Variants in ADAMTS2 observed in about 807,000 individuals in gnomAD.
ADAMTS2 encodes A disintegrin and metalloproteinase with thrombospondin motifs 2.
Under a neutral mutation model 123.0 loss-of-function variants are expected in ADAMTS2, and 50 were observed. The observed-to-expected ratio is 0.41, with a 90% CI of 0.32 to 0.51. The LOEUF is 0.51. ADAMTS2 is among the 20% of genes least tolerant of loss of function. The pLI, the probability that ADAMTS2 is intolerant of heterozygous loss-of-function variation, is 0.35. For synonymous variants in ADAMTS2, 678 were observed against 695.4 expected (o/e 0.98, Z 0.39); for missense variants, 1,494 against 1,705.2 (o/e 0.88, Z 2.18).
chr5:179,336,833 T>G (rs1006437582), intron 2 of ADAMTS2, among the ~76,000 whole-genome samples: 3 of 152,270 alleles, frequency 2.0e-5, no homozygotes, highest in Middle Eastern at 3.4e-3. Context: ...CGCAACAGCC[T>G]CCAGCCCACA....
intron 13 of ADAMTS2, among the ~76,000 whole-genome samples, chr5:179,133,276 A>AT (rs1047604643): frequency 6.0e-5 from 9 of 150,746 alleles, no homozygotes; most frequent in African/African-American, 1.2e-4. Context: ...TTATTTTTAC[A>AT]TTTTTTTTTG....
At chr5:179,167,106 G>C (rs1329868738) in intron 5 of ADAMTS2, among the ~76,000 whole-genome samples, 1 of 152,232 alleles carries the variant, frequency 6.6e-6, no homozygotes, top group Non-Finnish European at 1.5e-5. Flanking sequence ...CGCCCCGCTA[G>C]GCTCAGGCTT....
chr5:179,320,593 C>T (rs1429037234), intron 2 of ADAMTS2, among the ~76,000 whole-genome samples: 14 of 151,886 alleles, frequency 9.2e-5, no homozygotes, highest in Non-Finnish European at 1.5e-4. Context: ...GCTGGGATTA[C>T]AGGCATGAGC....
intron 3 of ADAMTS2, among the ~76,000 whole-genome samples, chr5:179,209,067 A>C (rs540405706): frequency 1.6e-4 from 25 of 152,294 alleles, no homozygotes; most frequent in Non-Finnish European, 3.4e-4. Flanking sequence ...AGGGTGGCCC[A>C]GGACAGGCCC....
rs73809742 is a variant in ADAMTS2 at position 179,260,042 on chromosome 5, C to T, written c.688+12869G>A. ...TGTTAAAGTGGGCATAGGGCCCTGC[C>T]GGATGGGTCACAAGCCGGCGAAGTC... On this transcript the variant is annotated intron_variant, in intron 3 of 21. Transcript: ENST00000251582. The surrounding 1 kb of genome is among the most constrained non-coding windows in gnomAD (Gnocchi z 4.2). 4.2e-3 allele frequency among the ~76,000 whole-genome samples: 635 copies of T among 152,310 alleles called. 4 individuals carry two copies. Among genetic ancestry groups the T allele is most frequent in the African/African-American group, 0.015 (606 of 41,566 alleles).
At chr5:179,216,131 A>C (rs1764973834) in intron 3 of ADAMTS2, among the ~76,000 whole-genome samples, 1 of 152,258 alleles carries the variant, frequency 6.6e-6, no homozygotes, top group Non-Finnish European at 1.5e-5. Context: ...CGGGAGCCCA[A>C]CACAGAAGAC....
At chr5:179,341,292 T>C (rs747252049) in intron 2 of ADAMTS2, 26 of 339,860 alleles carry the variant, frequency 7.7e-5, no homozygotes, top group South Asian at 1.5e-4. Flanking sequence ...GAGGCCAAGA[T>C]GGGCAGATCG....
rs1400179152 is a variant in ADAMTS2, at chr5:179,132,907, G to C, written c.2086-7C>G. On this transcript the variant is annotated splice_region_variant and splice_polypyrimidine_tract_variant and intron_variant, in intron 13 of 21. Transcript: ENST00000251582. The surrounding 1 kb of genome is among the most constrained non-coding windows in gnomAD (Gnocchi z 6.1). The stretch of plus-strand genomic sequence containing the variant: ...CACCGTCACAGCCCACCTTCTGTTG[G>C]GGGAGGAGGCAGTGAGCACTTGAGA... 3 of 1,613,390 alleles carry C rather than the reference G, an allele frequency of 1.9e-6. No individual in the cohort carries two copies. Among genetic ancestry groups the C allele is most frequent in the Non-Finnish European group, 2.5e-6 (3 of 1,179,782 alleles).
intron 2 of ADAMTS2, among the ~76,000 whole-genome samples, chr5:179,280,712 T>C (rs1265536235): frequency 2.0e-5 from 3 of 152,162 alleles, no homozygotes; most frequent in African/African-American, 7.2e-5. Context: ...CCTACACCGC[T>C]GCCCTTCTCT....
intron 11 of ADAMTS2, among the ~76,000 whole-genome samples, chr5:179,138,771 C>T (rs543198373): frequency 6.6e-6 from 1 of 152,134 alleles, no homozygotes; most frequent in Non-Finnish European, 1.5e-5. Context: ...GATCCCTCCG[C>T]GGAGCCGTGA....
chr5:179,270,921 G>A (rs914090447), intron 3 of ADAMTS2, among the ~76,000 whole-genome samples: 7 of 152,124 alleles, frequency 4.6e-5, no homozygotes, highest in African/African-American at 4.8e-5. Flanking sequence ...CCAGGCCCAC[G>A]CTCACATCCA....
intron 3 of ADAMTS2, among the ~76,000 whole-genome samples, chr5:179,226,116 G>C (rs1028475468): frequency 7.9e-5 from 12 of 151,770 alleles, no homozygotes; most frequent in Non-Finnish European, 1.8e-4. Flanking sequence ...GCCCTGCGAG[G>C]AGGACAAGAG....
Position 179,127,993 on chromosome 5 carries a change from C to G in ADAMTS2, c.2583G>C (p.Lys861Asn). The G allele has an allele frequency of 6.2e-7, 1 of 1,614,082 alleles. No individual in the cohort carries two copies. Among genetic ancestry groups the G allele is most frequent in the Non-Finnish European group, 8.5e-7 (1 of 1,180,040 alleles). Residue 861 changes from lysine (K) to asparagine (N), a missense_variant, in exon 17 of 22, where the codon AAG becomes AAC. By Grantham distance (94) the Lys-to-Asn change is moderately conservative. Transcript: ENST00000251582. ...EDSVVYEWAL[K>N]KWSPCSKPCG... is the part of the protein sequence containing the mutation. Reference sequence around the variant, plus strand: ...AGGGCTTGGAGCACGGAGACCACTTCTTCAGGGCCCACTCGTAGACCACAG... The same window carrying G: ...AGGGCTTGGAGCACGGAGACCACTTGTTCAGGGCCCACTCGTAGACCACAG...
At chr5:179,227,234 G>A (rs6887438) in intron 3 of ADAMTS2, among the ~76,000 whole-genome samples, 4,059 of 152,268 alleles carry the variant, frequency 0.027, 170 homozygotes, top group African/African-American at 0.087. Flanking sequence ...CAGCCAATGG[G>A]AGGGGGATGA....
intron 3 of ADAMTS2, among the ~76,000 whole-genome samples, chr5:179,210,501 T>G (rs7447544): frequency 0.15 from 22,914 of 152,298 alleles, 1,910 homozygotes; most frequent in African/African-American, 0.21. Flanking sequence ...AATTTTGGGG[T>G]GAAATTTGGA....
chr5:179,168,120 C>T (rs559767974), intron 5 of ADAMTS2, among the ~76,000 whole-genome samples: 1 of 152,344 alleles, frequency 6.6e-6, no homozygotes, highest in East Asian at 1.9e-4. Flanking sequence ...TATTTGGGGC[C>T]AGATAATTCC....
At chr5:179,200,301 T>G (rs1210533547) in intron 4 of ADAMTS2, among the ~76,000 whole-genome samples, 5 of 137,942 alleles carry the variant, frequency 3.6e-5, no homozygotes, top group Non-Finnish European at 7.5e-5. Context: ...CAGACTGGAG[T>G]GCAGTGGCGT....
In ADAMTS2 at chr5:179,173,212, T is replaced by TTAATAATAATAATAATAA. The variant is rs71589488; in HGVS notation, c.975+7842_975+7859dup. Among the ~76,000 whole-genome samples, 167 of 145,184 alleles carry TTAATAATAATAATAATAA rather than the reference T, an allele frequency of 1.2e-3. 1 individual carries two copies. Among genetic ancestry groups the TTAATAATAATAATAATAA allele is most frequent in the African/African-American group, 4.2e-3 (161 of 38,584 alleles). Reference sequence around the variant, plus strand: ...GGGCAACAGAGCTAGACCCCATCTCTTAATAATAATAATAATAATAATAAT... The same window carrying TTAATAATAATAATAATAA: ...GGGCAACAGAGCTAGACCCCATCTCTTAATAATAATAATAATAATAATAATAATAATAATAATAATAAT... On this transcript the variant is annotated intron_variant, in intron 5 of 21. Transcript: ENST00000251582.
chr5:179,116,964 A>T (rs998111090), intron 21 of ADAMTS2, among the ~76,000 whole-genome samples: 4 of 152,162 alleles, frequency 2.6e-5, no homozygotes, highest in Admixed American at 1.3e-4. Flanking sequence ...CCCAGGGGAG[A>T]TGCCAGAAAT....
Sources: allele counts gnomAD v4.1 joint callset (sites outside exome capture counted in the v4.1 genomes callset), GRCh38; gene constraint gnomAD v4.1.1; non-coding constraint Gnocchi (gnomAD v3.1); transcripts MANE v1.5; gene names NCBI Gene and HGNC (gene_info 2026-07-23, HGNC 2026-07-21).